Variants in CUX2 observed in about 807,000 individuals in gnomAD.
CUX2 encodes the protein cut like homeobox 2, also known as homeobox protein cut-like 2.
In CUX2, 40 loss-of-function variants were observed where a neutral mutation model predicts 144.8. That is an observed-to-expected ratio of 0.28 (90% CI 0.21 to 0.36). CUX2 has a LOEUF of 0.36. Among genes scored for constraint, CUX2 ranks in the 10% least tolerant of loss-of-function variants. CUX2 has a pLI of 1.00. For missense variants in CUX2, 1,615 were observed against 1,994.0 expected (o/e 0.81, Z 3.62); for synonymous variants, 827 against 875.6 (o/e 0.94, Z 0.98).
rs1225908527 is a variant in CUX2, at chr12:111,348,908, A to G, written c.*583A>G. On this transcript the variant is annotated 3_prime_UTR_variant, in exon 22 of 22. Transcript: ENST00000261726. ...ACATCTGTCTGTGAGACACAGCGCA[A>G]TGCTACTGCCCTTCCAGAAACTGTG... 1 of 152,792 alleles carries G rather than the reference A, an allele frequency of 6.5e-6. No homozygotes were observed. Among genetic ancestry groups the G allele is most frequent in the Non-Finnish European group, 1.5e-5 (1 of 68,154 alleles). 9.5% of individuals were successfully genotyped at this position (152,792 alleles called of 1,614,324 possible).
chr12:111,249,537 A>G (rs1288821271), intron 3 of CUX2, among the ~76,000 whole-genome samples: 1 of 146,514 alleles, frequency 6.8e-6, no homozygotes, highest in African/African-American at 2.6e-5. Context: ...GCTCACTGCA[A>G]CCTCTGCCTC....
chr12:111,038,310 T>C (rs1318473692), intron 1 of CUX2, among the ~76,000 whole-genome samples: 1 of 152,266 alleles, frequency 6.6e-6, no homozygotes, highest in Non-Finnish European at 1.5e-5. Context: ...CCTCTTTCTA[T>C]AGATGACAGC....
rs191321082 is a variant in CUX2 at position 111,073,833 on chromosome 12, C to T, written c.63+39593C>T. On this transcript the variant is annotated intron_variant, in intron 1 of 21. Transcript: ENST00000261726. The stretch of plus-strand genomic sequence containing the variant: ...AAAATTAGCTGGGTATGGTGGCAAG[C>T]GCCTGTAGTTCTAGCTACTCCGGAG... 1.0e-3 allele frequency among the ~76,000 whole-genome samples: 157 copies of T among 151,980 alleles called. 1 individual carries two copies. Among genetic ancestry groups the T allele is most frequent in the African/African-American group, 3.8e-3 (155 of 41,276 alleles).
intron 1 of CUX2, among the ~76,000 whole-genome samples, chr12:111,036,213 G>A (rs1301037566): frequency 1.3e-5 from 2 of 152,234 alleles, no homozygotes; most frequent in Non-Finnish European, 2.9e-5. Flanking sequence ...TTTCCGCGGC[G>A]AGATTTACAG....
At chr12:111,115,767 C>T (rs548878224) in intron 1 of CUX2, among the ~76,000 whole-genome samples, 2 of 152,144 alleles carry the variant, frequency 1.3e-5, no homozygotes, top group Non-Finnish European at 2.9e-5. Context: ...TGGAACTAAT[C>T]ACAGTGGTAT....
In CUX2 at chr12:111,334,600, C is replaced by T; in HGVS notation, c.3086C>T (p.Ser1029Leu). ...SSSSLSGKMYSGSQAPGGIQE... is the reference protein window; with the variant it reads ...SSSSLSGKMYLGSQAPGGIQE... ...TCCTCGTTGAGCGGGAAGATGTACT[C>T]AGGCAGCCAGGCCCCAGGGGGCATC... is the stretch of plus-strand genomic sequence containing the variant. Residue 1029 changes from serine to leucine, a missense_variant, in exon 19 of 22, where the codon TCA becomes TTA. Ser to Leu is a moderately radical substitution (Grantham distance 145). Around this residue, in one of 12 missense-constraint regions of CUX2, gnomAD observed 128 missense variants for 124.4 expected, o/e 1.03. Coordinates refer to ENST00000261726, the MANE Select transcript of CUX2 (RefSeq NM_015267.4). 1 of 1,614,038 alleles carries T rather than the reference C, an allele frequency of 6.2e-7. No homozygotes were observed. The highest frequency in any genetic ancestry group is 1.1e-5 in the South Asian group (1 of 91,076).
At chr12:111,251,745 C>T (rs547019025) in intron 3 of CUX2, among the ~76,000 whole-genome samples, 1 of 152,254 alleles carries the variant, frequency 6.6e-6, no homozygotes, top group South Asian at 2.1e-4. Flanking sequence ...CAGACCCTCC[C>T]CTCAGCCAGA....
At chr12:111,084,455 TTTC>T (rs1386731004) in intron 1 of CUX2, among the ~76,000 whole-genome samples, 1 of 152,186 alleles carries the variant, frequency 6.6e-6, no homozygotes, top group Non-Finnish European at 1.5e-5. Context: ...TTCCTCTTTT[TTTC>T]TTCTTTGTTT....
intron 1 of CUX2, among the ~76,000 whole-genome samples, chr12:111,207,995 C>T (rs146925322): frequency 2.0e-5 from 3 of 152,092 alleles, no homozygotes; most frequent in Non-Finnish European, 4.4e-5. Context: ...TGGTGCATTT[C>T]GGTTTCTGCA....
chr12:111,222,813 CAG>C (rs1273337371), intron 3 of CUX2, among the ~76,000 whole-genome samples: 1 of 152,122 alleles, frequency 6.6e-6, no homozygotes, highest in African/African-American at 2.4e-5. Flanking sequence ...TCTAATCACT[CAG>C]GGTCTGGGGG....
At chr12:111,226,130 G>T (rs1389244931) in intron 3 of CUX2, among the ~76,000 whole-genome samples, 1 of 152,230 alleles carries the variant, frequency 6.6e-6, no homozygotes, top group Non-Finnish European at 1.5e-5. Flanking sequence ...TTTTTGTAGA[G>T]ACTTGGTTTC....
chr12:111,168,107 G>C (rs527518355), intron 1 of CUX2, among the ~76,000 whole-genome samples: 1 of 152,346 alleles, frequency 6.6e-6, no homozygotes, highest in South Asian at 2.1e-4. Flanking sequence ...AAGCTGGCTG[G>C]AGTGAAGTCT....
At chr12:111,079,124 C>G (rs886899991) in intron 1 of CUX2, among the ~76,000 whole-genome samples, 7 of 152,356 alleles carry the variant, frequency 4.6e-5, no homozygotes, top group Non-Finnish European at 7.3e-5. Context: ...TCCCATCTCA[C>G]TGCCTTTTAC....
rs932417984 is a variant in CUX2, at chr12:111,287,107, C to T, written c.302-4311C>T. Among the ~76,000 whole-genome samples, 6 of 152,342 alleles carry T rather than the reference C, an allele frequency of 3.9e-5. No individual in the cohort carries two copies. Among genetic ancestry groups the T allele is most frequent in the Admixed American group, 3.3e-4 (5 of 15,304 alleles). On this transcript the variant is annotated intron_variant, in intron 4 of 21. Coordinates refer to ENST00000261726, the MANE Select transcript of CUX2 (RefSeq NM_015267.4). The surrounding 1 kb of genome is among the most constrained non-coding windows in gnomAD (Gnocchi z 4.2). ...GTTCCCACCAGCCTCTCTGGGGAGC[C>T]ACCTGAGGCCAGCCTCCCCAAGACA... is the stretch of plus-strand genomic sequence containing the variant.
At position 111,295,335 on chromosome 12, in the gene CUX2, G is replaced by C; in HGVS notation, c.563G>C (p.Gly188Ala). The C allele has an allele frequency of 6.2e-7, 1 of 1,612,618 alleles. No individual in the cohort carries two copies. The highest frequency in any genetic ancestry group is 8.5e-7 in the Non-Finnish European group (1 of 1,179,478). ...LQRNEAEKQK[G>A]LQEVQITLAA... ...AAGCAGGCCTCGTCTCTCCGCAGGG[G>C]CCTTCAAGAAGTACAGATCACTTTG... Residue 188 changes from glycine to alanine, a missense_variant and splice_region_variant, in exon 7 of 22, where the codon GGC (glycine) becomes GCC (alanine). Transcript: ENST00000261726. This position sits in a 1 kb window ranked among gnomAD's most constrained non-coding sequence, Gnocchi z 5.0.
intron 4 of CUX2, among the ~76,000 whole-genome samples, chr12:111,272,507 C>T (rs925733156): frequency 1.2e-4 from 19 of 152,202 alleles, no homozygotes; most frequent in Admixed American, 3.3e-4. Flanking sequence ...CTCTGTCACA[C>T]AGGCTGGAGT....
At chr12:111,111,860 AAGAAAT>A (rs1873986810) in intron 1 of CUX2, among the ~76,000 whole-genome samples, 2 of 151,650 alleles carry the variant, frequency 1.3e-5, no homozygotes, top group African/African-American at 4.9e-5. Context: ...TTAAAAAAAA[AAGAAAT>A]GAAAGCTTTG....
intron 3 of CUX2, among the ~76,000 whole-genome samples, chr12:111,227,330 G>T (rs1238316532): frequency 3.3e-5 from 5 of 152,098 alleles, no homozygotes; most frequent in African/African-American, 9.7e-5. Flanking sequence ...GCCTAGAGTC[G>T]CCTGGAGCTG....
chr12:111,042,073 CAAAG>C (rs563167162), intron 1 of CUX2, among the ~76,000 whole-genome samples: 7 of 152,152 alleles, frequency 4.6e-5, no homozygotes, highest in African/African-American at 1.7e-4. Context: ...CCATTAAAAA[CAAAG>C]AAAGAAAGAA....
Sources: gnomAD v4.1 joint callset for allele counts (sites outside exome capture counted in the v4.1 genomes callset) on GRCh38, gnomAD v4.1.1 for gene constraint, gnomAD v4.1.1 regional missense constraint, Gnocchi (gnomAD v3.1) non-coding constraint, MANE v1.5 for transcripts, NCBI Gene and HGNC (gene_info 2026-07-23, HGNC 2026-07-21) for gene names.